The following KLF8 variants were observed in gnomAD, a reference collection of about 807,000 sequenced individuals.
The protein encoded by KLF8 is KLF transcription factor 8.
A neutral mutation model predicts 18.2 loss-of-function variants in KLF8; 10 were observed. The observed-to-expected ratio is 0.55, with a 90% CI of 0.34 to 0.93. The LOEUF (loss-of-function observed/expected upper bound fraction) is 0.93, where lower values mean the gene tolerates loss of function less well. Among genes scored for constraint, KLF8 ranks in the 40% least tolerant of loss-of-function variants. The pLI, the probability that KLF8 is intolerant of heterozygous loss-of-function variation, is 0.02. For synonymous variants in KLF8, 109 were observed against 97.3 expected (o/e 1.12, Z -0.71); for missense variants, 264 against 277.9 (o/e 0.95, Z 0.36).
At chrX:56,100,995 G>A in the KLF8 span, among the ~76,000 whole-genome samples, 4 of 111,182 alleles carry the variant, frequency 3.6e-5, no homozygotes, top group Admixed American at 9.6e-5. Context: ...ACATTCAGGG[G>A]GTACTTGTGC....
At chrX:56,171,086 T>C in the KLF8 span, among the ~76,000 whole-genome samples, 1 of 111,802 alleles carries the variant, frequency 8.9e-6, no homozygotes, top group Non-Finnish European at 1.9e-5. Context: ...GGTACAAAAC[T>C]CACTGAGAAT....
chrX:55,975,179 T>G, the KLF8 span, among the ~76,000 whole-genome samples: 1 of 110,697 alleles, frequency 9.0e-6, no homozygotes, highest in Non-Finnish European at 1.9e-5. Flanking sequence ...TACATTTGAG[T>G]TGAGATCTAA....
the KLF8 span, among the ~76,000 whole-genome samples, chrX:56,143,591 C>G: frequency 1.3e-4 from 15 of 111,658 alleles, no homozygotes; most frequent in Non-Finnish European, 1.9e-4. Flanking sequence ...CTTATTTCAT[C>G]CCACTTTCCC....
chrX:56,141,842 G>C, the KLF8 span, among the ~76,000 whole-genome samples: 3 of 111,798 alleles, frequency 2.7e-5, no homozygotes, highest in East Asian at 5.6e-4. Context: ...GGTCTCACTT[G>C]AAATCCTGCT....
the KLF8 span, among the ~76,000 whole-genome samples, chrX:56,200,148 G>T: frequency 9.0e-6 from 1 of 110,516 alleles, no homozygotes; most frequent in Non-Finnish European, 1.9e-5. Context: ...GTGTTGATGG[G>T]TGCAGCAAAC....
the KLF8 span, among the ~76,000 whole-genome samples, chrX:56,114,731 T>C: frequency 8.8e-6 from 1 of 112,995 alleles, no homozygotes. Context: ...TTTTAGTTAG[T>C]TGTTTTAGAA....
Position 56,290,965 on chromosome X carries a change from A to G in KLF8, c.*6471A>G, listed in dbSNP as rs1168400385. Reference sequence around the variant, plus strand: ...GTCGCTACAAGTAGCTGTGTTGGACATTACTTTATAACTATGCTGTATGCC... The same window carrying G: ...GTCGCTACAAGTAGCTGTGTTGGACGTTACTTTATAACTATGCTGTATGCC... On this transcript the variant is annotated 3_prime_UTR_variant, in exon 6 of 6. Transcript: ENST00000468660. Among the ~76,000 whole-genome samples, 2 of 111,331 alleles carry G rather than the reference A, an allele frequency of 1.8e-5. No homozygotes were observed. Among genetic ancestry groups the G allele is most frequent in the Non-Finnish European group, 3.8e-5 (2 of 53,027 alleles).
chrX:56,204,654 A>G, the KLF8 span, among the ~76,000 whole-genome samples: 1 of 111,027 alleles, frequency 9.0e-6, no homozygotes, highest in Non-Finnish European at 1.9e-5. Context: ...AATTTTATTA[A>G]ATGCTTTTTC....
At chrX:56,214,083 CT>C in the KLF8 span, among the ~76,000 whole-genome samples, 1 of 111,139 alleles carries the variant, frequency 9.0e-6, no homozygotes, top group Non-Finnish European at 1.9e-5. Context: ...TGAAGTCAAA[CT>C]GCTTCTCCTT....
At chrX:56,175,980 C>T in the KLF8 span, among the ~76,000 whole-genome samples, 2 of 111,503 alleles carry the variant, frequency 1.8e-5, no homozygotes, top group Non-Finnish European at 3.8e-5. Context: ...TTATTTTGAG[C>T]CTAAGTGTGT....
At chrX:56,062,204 TATG>T in the KLF8 span, among the ~76,000 whole-genome samples, 5 of 110,658 alleles carry the variant, frequency 4.5e-5, no homozygotes, top group Non-Finnish European at 9.4e-5. Context: ...ATCCTGTCAT[TATG>T]ATGATAGCTG....
chrX:56,133,671 C>T, the KLF8 span, among the ~76,000 whole-genome samples: 1 of 111,477 alleles, frequency 9.0e-6, no homozygotes, highest in East Asian at 2.8e-4. Flanking sequence ...CCAGAGCAAT[C>T]ATACAGGAGA....
the KLF8 span, among the ~76,000 whole-genome samples, chrX:56,170,057 G>T: frequency 9.0e-6 from 1 of 110,718 alleles, no homozygotes; most frequent in African/African-American, 3.3e-5. Flanking sequence ...GTAATCAATA[G>T]AATTTTTCTG....
chrX:55,999,388 T>G, the KLF8 span, among the ~76,000 whole-genome samples: 2 of 105,760 alleles, frequency 1.9e-5, no homozygotes, highest in South Asian at 8.7e-4. Context: ...ACATTAGTGT[T>G]TGATAGAAAT....
the KLF8 span, among the ~76,000 whole-genome samples, chrX:55,942,597 AT>A: frequency 8.9e-6 from 1 of 112,054 alleles, no homozygotes; most frequent in Admixed American, 9.5e-5. Flanking sequence ...CACTATTACA[AT>A]GAAAATAAAT....
At chrX:56,243,785 C>T (rs1183929432) in intron 1 of KLF8, among the ~76,000 whole-genome samples, 1 of 109,849 alleles carries the variant, frequency 9.1e-6, no homozygotes. Flanking sequence ...CCACCTGCCA[C>T]GGCCTCCAAA....
At chrX:55,961,650 T>A in the KLF8 span, 19 of 411,085 alleles carry the variant, frequency 4.6e-5, no homozygotes, top group African/African-American at 2.8e-4. Flanking sequence ...AAAGATTTTT[T>A]AAGCTCAGCC....
chrX:56,100,053 G>A, the KLF8 span, among the ~76,000 whole-genome samples: 1 of 111,419 alleles, frequency 9.0e-6, no homozygotes, highest in Non-Finnish European at 1.9e-5. Context: ...AGAAGTCAAT[G>A]CCTGGCTTCA....
At chrX:56,117,227 C>T in the KLF8 span, among the ~76,000 whole-genome samples, 3 of 112,053 alleles carry the variant, frequency 2.7e-5, no homozygotes, top group Non-Finnish European at 5.6e-5. Flanking sequence ...AGTAACTATC[C>T]TCCCATTTCA....
Sources: allele counts gnomAD v4.1 joint callset (sites outside exome capture counted in the v4.1 genomes callset), GRCh38; gene constraint gnomAD v4.1.1; transcripts MANE v1.5; gene names NCBI Gene and HGNC (gene_info 2026-07-23, HGNC 2026-07-21).